The following CDH18 variants were observed in gnomAD, a reference collection of about 807,000 sequenced individuals.
The protein encoded by CDH18 is cadherin 18.
CDH18 carries 31 observed loss-of-function variants against 67.9 expected under a neutral mutation model. The observed-to-expected ratio is 0.46, with a 90% CI of 0.34 to 0.62. The LOEUF is 0.62. Among genes scored for constraint, CDH18 ranks in the 20% least tolerant of loss-of-function variants. CDH18 has a pLI of 0.01. For missense variants in CDH18, 890 were observed against 975.5 expected (o/e 0.91, Z 1.17); for synonymous variants, 362 against 347.2 (o/e 1.04, Z -0.48).
chr5:20,048,249 C>T (rs1408128909), intron 2 of CDH18, among the ~76,000 whole-genome samples: 3 of 151,172 alleles, frequency 2.0e-5, no homozygotes, highest in Non-Finnish European at 3.0e-5. Flanking sequence ...AAGAAGGAAC[C>T]GGTCAAATGA....
At chr5:19,785,635 C>G (rs1265396080) in intron 3 of CDH18, among the ~76,000 whole-genome samples, 6 of 61,332 alleles carry the variant, frequency 9.8e-5, no homozygotes, top group Non-Finnish European at 1.8e-4. Context: ...GCCTCGGCAA[C>G]AAGAGCAAAA....
chr5:19,507,511 T>C (rs145684102), intron 10 of CDH18, among the ~76,000 whole-genome samples: 4,058 of 152,142 alleles, frequency 0.027, 174 homozygotes, highest in African/African-American at 0.093. Flanking sequence ...AACCCAAATG[T>C]CCAACAATGA....
chr5:19,493,704 A>T lies in CDH18; in HGVS notation c.1630+9288T>A, dbSNP rs1413564947. On this transcript the variant is annotated intron_variant, in intron 11 of 12. Transcript: ENST00000382275. ...CAATTTATCATTGTTTTTATATGTG[A>T]TTATATTCAACACTTCATTGTTTCT... Among the ~76,000 whole-genome samples the T allele has an allele frequency of 3.3e-5, 5 of 152,282 alleles. No homozygotes were observed. The East Asian group carries it at 7.7e-4, about 24-fold the overall frequency.
chr5:19,949,533 A>G (rs1341811970), intron 2 of CDH18, among the ~76,000 whole-genome samples: 1 of 152,180 alleles, frequency 6.6e-6, no homozygotes, highest in Non-Finnish European at 1.5e-5. Context: ...GAATGTAAGC[A>G]AGACAACTTA....
intron 3 of CDH18, among the ~76,000 whole-genome samples, chr5:19,780,132 T>A (rs185516212): frequency 2.0e-5 from 3 of 152,220 alleles, no homozygotes; most frequent in Admixed American, 6.6e-5. Flanking sequence ...GTGAGCTCCA[T>A]CCACAGAAGA....
chr5:19,473,727 A>G lies in CDH18; in HGVS notation c.1883-11T>C. On this transcript the variant is annotated splice_polypyrimidine_tract_variant and intron_variant, in intron 12 of 12. Coordinates refer to ENST00000382275, the MANE Select transcript of CDH18 (RefSeq NM_004934.5). The stretch of plus-strand genomic sequence containing the variant: ...AAAGTACCACAATTGCTGAGGAAGA[A>G]TGGAAAAAGGATGAAGAATTAAGAA... 2 of 1,573,272 alleles carry G rather than the reference A, an allele frequency of 1.3e-6. No homozygotes were observed. The highest frequency in any genetic ancestry group is 1.7e-6 in the Non-Finnish European group (2 of 1,160,994).
intron 2 of CDH18, among the ~76,000 whole-genome samples, chr5:19,843,453 C>T (rs1782574012): frequency 6.6e-6 from 1 of 152,120 alleles, no homozygotes; most frequent in East Asian, 2.0e-4. Context: ...GAAACTCCAC[C>T]TAGATTTCAG....
intron 2 of CDH18, among the ~76,000 whole-genome samples, chr5:20,042,917 G>A (rs1424366303): frequency 5.3e-5 from 8 of 151,790 alleles, no homozygotes; most frequent in African/African-American, 1.7e-4. Flanking sequence ...AGCCAAGATC[G>A]CGCCACTGCA....
At chr5:19,622,413 A>G (rs1469088254) in intron 5 of CDH18, among the ~76,000 whole-genome samples, 2 of 152,168 alleles carry the variant, frequency 1.3e-5, no homozygotes, top group Non-Finnish European at 1.5e-5. Flanking sequence ...TATCGCTACC[A>G]TTTAGAGAAA....
intron 2 of CDH18, among the ~76,000 whole-genome samples, chr5:20,092,330 G>A (rs1487249170): frequency 6.6e-6 from 1 of 152,076 alleles, no homozygotes; most frequent in African/African-American, 2.4e-5. Context: ...TAAAGACTTT[G>A]GAGTTTGTAT....
At chr5:19,998,996 T>G (rs761730609) in intron 2 of CDH18, among the ~76,000 whole-genome samples, 5 of 152,102 alleles carry the variant, frequency 3.3e-5, no homozygotes, top group Non-Finnish European at 7.4e-5. Context: ...CAAAGCATCA[T>G]GGAATTCAAG....
At chr5:20,073,375 T>C (rs1001483343) in intron 2 of CDH18, among the ~76,000 whole-genome samples, 19 of 152,130 alleles carry the variant, frequency 1.2e-4, no homozygotes, top group African/African-American at 4.6e-4. Context: ...AGTTCTCAAA[T>C]GAATTTTATT....
At chr5:19,744,993 A>G (rs1321997264) in intron 4 of CDH18, among the ~76,000 whole-genome samples, 1 of 152,230 alleles carries the variant, frequency 6.6e-6, no homozygotes, top group Non-Finnish European at 1.5e-5. Flanking sequence ...AAGAAAAATT[A>G]TGATTGCTCC....
rs1056456997 is a variant in CDH18 at position 19,916,675 on chromosome 5, A to G, written c.-257+64385T>C. On this transcript the variant is annotated intron_variant, in intron 2 of 12. Transcript: ENST00000382275. Reference sequence around the variant, plus strand: ...ATGCCTGAAATTTAGTAGATACACAATAGAGTTCTATTTTTTAAATTGGAA... The same window carrying G: ...ATGCCTGAAATTTAGTAGATACACAGTAGAGTTCTATTTTTTAAATTGGAA... Among the ~76,000 whole-genome samples the G allele has an allele frequency of 4.6e-5, 7 of 152,184 alleles. No homozygotes were observed. In the East Asian group the frequency reaches 1.3e-3, roughly 29 times the overall value.
intron 3 of CDH18, among the ~76,000 whole-genome samples, chr5:19,796,902 T>C (rs1909117): frequency 0.61 from 91,900 of 151,622 alleles, 28,331 homozygotes; most frequent in Middle Eastern, 0.69. Flanking sequence ...CAAAGAAGTA[T>C]ACTCAAAAAC....
chr5:19,952,465 C>T (rs1307598877), intron 2 of CDH18, among the ~76,000 whole-genome samples: 1 of 152,118 alleles, frequency 6.6e-6, no homozygotes, highest in African/African-American at 2.4e-5. Context: ...GTCTCTGTTG[C>T]TCTGCTGTCA....
At chr5:20,298,281 T>C (rs1261218696) in intron 1 of CDH18, among the ~76,000 whole-genome samples, 1 of 152,218 alleles carries the variant, frequency 6.6e-6, no homozygotes, top group Non-Finnish European at 1.5e-5. Flanking sequence ...GTTTTTATCA[T>C]GCCCTGATCA....
intron 2 of CDH18, among the ~76,000 whole-genome samples, chr5:20,051,025 C>T (rs144679276): frequency 1.5e-3 from 233 of 151,904 alleles, no homozygotes; most frequent in African/African-American, 4.9e-3. Flanking sequence ...GATACTTTGG[C>T]TTTATCACAC....
chr5:19,543,152 T>TA (rs1235297982), intron 9 of CDH18, among the ~76,000 whole-genome samples: 1 of 152,140 alleles, frequency 6.6e-6, no homozygotes, highest in Non-Finnish European at 1.5e-5. Flanking sequence ...ACGAATATGT[T>TA]AAAAAAACTT....
Sources: gnomAD v4.1 joint callset for allele counts (sites outside exome capture counted in the v4.1 genomes callset) on GRCh38, gnomAD v4.1.1 for gene constraint, MANE v1.5 for transcripts, NCBI Gene and HGNC (gene_info 2026-07-23, HGNC 2026-07-21) for gene names.